The following RYR2 variants were observed in gnomAD, a reference collection of about 807,000 sequenced individuals.
RYR2 encodes cardiac muscle ryanodine receptor-calcium release channel.
RYR2 carries 227 observed loss-of-function variants against 601.1 expected under a neutral mutation model. That is an observed-to-expected ratio of 0.38 (90% CI 0.34 to 0.42). The LOEUF (loss-of-function observed/expected upper bound fraction) is 0.42. RYR2 is among the 10% of genes least tolerant of loss of function. The pLI, the probability that RYR2 is intolerant of heterozygous loss-of-function variation, is 1.00. For synonymous variants in RYR2, 2,223 were observed against 2,175.1 expected (o/e 1.02, Z -0.61); for missense variants, 4,646 against 6,156.5 (o/e 0.75, Z 8.21).
intron 33 of RYR2, 77 bp from the exon 34 acceptor site, chr1:237,595,421 A>T: frequency 6.6e-7 from 1 of 1,525,056 alleles, no homozygotes; most frequent in Non-Finnish European, 8.9e-7. Flanking sequence ...AGCATAATTT[A>T]GTTAGTTTGC....
chr1:237,043,149 G>A (rs1660132996), intron 1 of RYR2, among the ~76,000 whole-genome samples: 2 of 152,240 alleles, frequency 1.3e-5, no homozygotes, highest in South Asian at 4.1e-4. Context: ...GACGCTGCGC[G>A]GAGGTTTCCC....
chr1:237,596,304 G>T (rs1040940835), intron 34 of RYR2, among the ~76,000 whole-genome samples: 4 of 152,138 alleles, frequency 2.6e-5, no homozygotes, highest in Admixed American at 2.6e-4. Context: ...ACAAGATTAG[G>T]AAACCAATTC....
intron 33 of RYR2, among the ~76,000 whole-genome samples, chr1:237,594,085 G>A (rs1476173171): frequency 6.6e-6 from 1 of 152,174 alleles, no homozygotes; most frequent in African/African-American, 2.4e-5. Flanking sequence ...GAGGAGAAGT[G>A]GGTTCTTTCC....
At chr1:237,354,755 T>C (rs915896398) in intron 3 of RYR2, among the ~76,000 whole-genome samples, 34 of 152,182 alleles carry the variant, frequency 2.2e-4, no homozygotes, top group African/African-American at 8.0e-4. Flanking sequence ...ATCAGGCCTT[T>C]CTGTTCAGTC....
chr1:237,719,441 G>A (rs1257207327), intron 73 of RYR2, among the ~76,000 whole-genome samples: 1 of 152,096 alleles, frequency 6.6e-6, no homozygotes, highest in Non-Finnish European at 1.5e-5. Flanking sequence ...GTATAACACG[G>A]GCATCTGCTT....
intron 2 of RYR2, among the ~76,000 whole-genome samples, chr1:237,322,158 C>T (rs928212393): frequency 3.3e-5 from 5 of 152,142 alleles, no homozygotes; most frequent in African/African-American, 1.2e-4. Context: ...ATTAATCCAG[C>T]TCATTTTCAG....
chr1:237,435,670 C>T (rs1558813144), intron 12 of RYR2, among the ~76,000 whole-genome samples: 1 of 152,122 alleles, frequency 6.6e-6, no homozygotes, highest in Non-Finnish European at 1.5e-5. Flanking sequence ...ATTAACATAT[C>T]ATAATTTGAT....
chr1:237,171,712 G>T (rs928820273), intron 1 of RYR2, among the ~76,000 whole-genome samples: 3 of 152,096 alleles, frequency 2.0e-5, no homozygotes, highest in Admixed American at 2.0e-4. Context: ...CTCTAATTAT[G>T]CAGTGCAGTG....
chr1:237,741,207 G>A (rs1395798814), intron 79 of RYR2, among the ~76,000 whole-genome samples: 1 of 152,076 alleles, frequency 6.6e-6, no homozygotes, highest in Non-Finnish European at 1.5e-5. Context: ...AACAGAAAGG[G>A]TAGTATATAT....
chr1:237,344,714 T>G (rs1237775810), intron 3 of RYR2, among the ~76,000 whole-genome samples: 1 of 152,256 alleles, frequency 6.6e-6, no homozygotes, highest in Non-Finnish European at 1.5e-5. Context: ...TTATACATTT[T>G]ATTTACATTA....
At chr1:237,219,269 T>C (rs925884857) in intron 1 of RYR2, among the ~76,000 whole-genome samples, 2 of 152,058 alleles carry the variant, frequency 1.3e-5, no homozygotes, top group South Asian at 4.2e-4. Context: ...CCACCTGCCT[T>C]GGCCTCCCAA....
At chr1:237,281,241 A>G (rs1690830726) in intron 2 of RYR2, among the ~76,000 whole-genome samples, 1 of 152,230 alleles carries the variant, frequency 6.6e-6, no homozygotes, top group South Asian at 2.1e-4. Flanking sequence ...ATTAAACTCC[A>G]GTGAGGAATA....
In RYR2 at chr1:237,749,432, G is replaced by T. The variant is rs187400655; in HGVS notation, c.11146-6856G>T. Among the ~76,000 whole-genome samples the T allele has an allele frequency of 1.4e-3, 149 of 102,898 alleles. 1 individual carries two copies. Among genetic ancestry groups the T allele is most frequent in the African/African-American group, 3.6e-3 (129 of 35,654 alleles). The allele number at this position is 102,898 out of a possible 152,430, so 67.5% of individuals were successfully genotyped here. A position where few individuals can be genotyped will look rare whatever the true frequency, so the allele number is the denominator to read the frequency against. ...ATCACATAACCATCTCTAAATATTT[G>T]CTATTATTATTATTATTATTATTAA... On this transcript the variant is annotated intron_variant, in intron 80 of 104. Coordinates refer to ENST00000366574, the MANE Select transcript of RYR2 (RefSeq NM_001035.3).
chr1:237,262,271 T>TTA (rs1458916297), intron 1 of RYR2, among the ~76,000 whole-genome samples: 2 of 132,248 alleles, frequency 1.5e-5, no homozygotes, highest in Admixed American at 7.3e-5. Context: ...TTTTTTTTTT[T>TTA]TATGATGGAG....
chr1:237,107,366 A>G (rs962665175), intron 1 of RYR2, among the ~76,000 whole-genome samples: 8 of 151,108 alleles, frequency 5.3e-5, no homozygotes, highest in African/African-American at 1.9e-4. Context: ...CTAAAAATAC[A>G]AAAAATTAGC....
At chr1:237,112,718 TC>T (rs1461652435) in intron 1 of RYR2, among the ~76,000 whole-genome samples, 1 of 152,170 alleles carries the variant, frequency 6.6e-6, no homozygotes, top group East Asian at 1.9e-4. Flanking sequence ...TTTTTAGGGC[TC>T]CACTTTTGTT....
chr1:237,670,469 T>G (rs1417916127), intron 58 of RYR2, among the ~76,000 whole-genome samples: 1 of 152,330 alleles, frequency 6.6e-6, no homozygotes, highest in East Asian at 1.9e-4. Flanking sequence ...ATTAATTCAT[T>G]GTTTGGCTCA....
chr1:237,773,418 T>A, intron 86 of RYR2, 102 bp from the exon 87 acceptor site: 1 of 716,120 alleles, frequency 1.4e-6, no homozygotes, highest in Non-Finnish European at 2.3e-6. Flanking sequence ...CTACCATATC[T>A]ATTATTTAAA....
chr1:237,077,632 C>T (rs1665137382), intron 1 of RYR2, among the ~76,000 whole-genome samples: 4 of 131,480 alleles, frequency 3.0e-5, no homozygotes, highest in African/African-American at 1.1e-4. Context: ...AAAGCAAGTC[C>T]TGAGTGACCT....
Sources: allele counts gnomAD v4.1 joint callset (sites outside exome capture counted in the v4.1 genomes callset), GRCh38; gene constraint gnomAD v4.1.1; transcripts MANE v1.5; gene names NCBI Gene and HGNC (gene_info 2026-07-23, HGNC 2026-07-21).